UBXN6: variants seen among roughly 807,000 people sequenced by gnomAD.
UBXN6 encodes the protein UBX domain protein 6.
Under a neutral mutation model 51.4 loss-of-function variants are expected in UBXN6, and 44 were observed. The ratio of observed to expected loss-of-function variants is 0.86; its 90% confidence interval spans 0.67 to 1.10. The LOEUF (loss-of-function observed/expected upper bound fraction) is 1.10, where lower values mean the gene tolerates loss of function less well. UBXN6 is among the 50% of genes least tolerant of loss of function. The pLI is 0.00. For missense variants in UBXN6, 672 were observed against 596.1 expected (o/e 1.13, Z -1.32); for synonymous variants, 316 against 263.2 (o/e 1.20, Z -1.94).
rs1974701443 is a variant in UBXN6, at chr19:4,454,029, T to G, written c.148A>C (p.Asn50His). 6.2e-7 allele frequency: 1 copy of G among 1,601,680 alleles called. No homozygotes were observed. Among genetic ancestry groups the G allele is most frequent in the African/African-American group, 1.3e-5 (1 of 74,496 alleles). The change falls in exon 2 of 11, where the codon AAT becomes CAT. Residue 50 changes from asparagine to histidine, a missense_variant. By Grantham distance (68) the Asn-to-His change is moderately conservative. Transcript: ENST00000301281. ...GCAGCGGCTGCCATCTGTGCCTCAT[T>G]GGTGGGTCCCTGGCGGGGCGGCCTG... The part of the protein sequence containing the change: ...APRPPRQGPT[N>H]EAQMAAAAAL...
In UBXN6 at chr19:4,446,404, C is replaced by A; in HGVS notation, c.930G>T (p.Ala310=). 6.3e-7 allele frequency: 1 copy of A among 1,577,462 alleles called. No individual in the cohort carries two copies. The highest frequency in any genetic ancestry group is 8.6e-7 in the Non-Finnish European group (1 of 1,168,852). The stretch of plus-strand genomic sequence containing the variant: ...TCCGCAGCACGCTCAGCCGCTCCAC[C>A]GCCTCGGACCTGCACACGCGGGCCA... ...IKREQRLRSE[A]VERLSVLRTK... Residue 310 remains alanine (A), a synonymous_variant, in exon 9 of 11, where the codon GCG becomes GCT. Transcript: ENST00000301281.
In UBXN6 at chr19:4,456,217, AC is replaced by A. The variant is rs1005385041; in HGVS notation, c.83+1397del. On this transcript the variant is annotated intron_variant, in intron 1 of 10. Coordinates refer to ENST00000301281, the MANE Select transcript of UBXN6 (RefSeq NM_025241.3). ...CATGCCCAGTCCCAGTGGCCCCAGC[AC>A]CCCCCACCCACTATTGGTTGAATCA... Among the ~76,000 whole-genome samples, 173 of 129,402 alleles carry A rather than the reference AC, an allele frequency of 1.3e-3. 1 individual carries two copies. Among genetic ancestry groups the A allele is most frequent in the African/African-American group, 5.1e-3 (172 of 33,770 alleles). 84.9% of individuals were successfully genotyped at this position (129,402 alleles called of 152,430 possible).
chr19:4,447,918 G>A, intron 5 of UBXN6: 1 of 507,520 alleles, frequency 2.0e-6, no homozygotes, highest in Non-Finnish European at 3.6e-6. Flanking sequence ...TGCCGGAAGA[G>A]TGGAGAGCCA....
At chr19:4,453,832 C>G (rs1974696306) in intron 2 of UBXN6, 98 bp downstream of exon 2, 2 of 1,518,648 alleles carry the variant, frequency 1.3e-6, no homozygotes, top group Non-Finnish European at 1.8e-6. Flanking sequence ...CCCTCACACC[C>G]CCACGGTTGC....
intron 3 of UBXN6, among the ~76,000 whole-genome samples, chr19:4,452,930 C>T (rs530565369): frequency 5.3e-5 from 8 of 152,322 alleles, no homozygotes; most frequent in East Asian, 3.9e-4. Context: ...ACTGAATCCT[C>T]GAGGGTCAAG....
chr19:4,452,254 T>C, intron 4 of UBXN6, 110 bp downstream of exon 4: 1 of 1,486,002 alleles, frequency 6.7e-7, no homozygotes. Context: ...CTACTAGCAG[T>C]GGCCTCTGGG....
At chr19:4,454,452 T>C (rs956286559) in intron 1 of UBXN6, among the ~76,000 whole-genome samples, 3 of 152,166 alleles carry the variant, frequency 2.0e-5, no homozygotes, top group African/African-American at 7.2e-5. Context: ...AGACAGGGTC[T>C]TGCTCTCTCA....
Position 4,445,302 on chromosome 19 carries a change from C to G in UBXN6, c.*196G>C, listed in dbSNP as rs1974482246. 3.4e-6 allele frequency: 3 copies of G among 895,010 alleles called. No individual in the cohort carries two copies. The highest frequency in any genetic ancestry group is 5.1e-6 in the Non-Finnish European group (3 of 589,652). The allele number at this position is 895,010 out of a possible 1,614,324, so 55.4% of individuals were successfully genotyped here. A position where few individuals can be genotyped will look rare whatever the true frequency, so the allele number is the denominator to read the frequency against. ...GGCCTCTCCCTCGGGGGCTTGGGCG[C>G]ATCCCCACAGCCCCCAAGGGATGGG... is the stretch of plus-strand genomic sequence containing the variant. On this transcript the variant is annotated 3_prime_UTR_variant, in exon 11 of 11. Transcript: ENST00000301281.
chr19:4,448,880 T>A (rs554732719), intron 4 of UBXN6: 17 of 169,536 alleles, frequency 1.0e-4, no homozygotes, highest in Admixed American at 2.8e-4. Flanking sequence ...GAGAGGCCCA[T>A]CGTCCAGGGT....
intron 6 of UBXN6, 36 bp downstream of exon 6, chr19:4,447,493 GCAGGCCAGCTGCCCCCACCCC>G: frequency 6.3e-7 from 1 of 1,597,118 alleles, no homozygotes; most frequent in Non-Finnish European, 8.6e-7. Context: ...ACCGGCTCCT[GCAGGCCAGCTGCCCCCACCCC>G]CAGCCTGGGC....
intron 4 of UBXN6, chr19:4,450,899 C>G (rs886908712): frequency 6.6e-6 from 1 of 151,684 alleles, no homozygotes; most frequent in African/African-American, 2.4e-5. Flanking sequence ...CAAATTAACT[C>G]TATCCTGAGA....
At position 4,446,936 on chromosome 19, in the gene UBXN6, G is replaced by A. The variant is rs1974544828; in HGVS notation, c.616-16C>T. The A allele has an allele frequency of 6.2e-7, 1 of 1,612,676 alleles. No individual in the cohort carries two copies. ...TAATGCGCTCCTGGGGGTGGAGATG[G>A]GCGTCACTGGGGGCCCCTGGCTTCC... On this transcript the variant is annotated splice_polypyrimidine_tract_variant and intron_variant, in intron 6 of 10. Transcript: ENST00000301281.
intron 5 of UBXN6, 164 bp downstream of exon 5, chr19:4,448,154 C>T (rs1360701609): frequency 3.1e-6 from 2 of 646,602 alleles, no homozygotes; most frequent in East Asian, 5.4e-5. Flanking sequence ...AGGCCCAGCC[C>T]TTTGCCTGAG....
In UBXN6 at chr19:4,445,642, G is replaced by T; in HGVS notation, c.1201-19C>A. ...AGGGCACCTGCGGTAGGGGTAGGCC[G>T]TCACTCTGAGACCGAGAGTCGGCCC... On this transcript the variant is annotated intron_variant, in intron 10 of 10. Transcript: ENST00000301281. 6.2e-7 allele frequency: 1 copy of T among 1,609,242 alleles called. No individual in the cohort carries two copies.
intron 4 of UBXN6, among the ~76,000 whole-genome samples, chr19:4,451,526 T>A (rs571681600): frequency 6.6e-6 from 1 of 152,154 alleles, no homozygotes; most frequent in East Asian, 1.9e-4. Flanking sequence ...CTATTTTTTT[T>A]TGTTTTTGGC....
chr19:4,446,234 G>C (rs754221360), intron 9 of UBXN6, 37 bp from the exon 10 acceptor site: 1 of 1,577,360 alleles, frequency 6.3e-7, no homozygotes, highest in Admixed American at 1.8e-5. Flanking sequence ...TGGGGCCCAG[G>C]GCCCCCTACC....
Position 4,445,477 on chromosome 19 carries a change from G to T in UBXN6, c.*21C>A. 1 of 1,613,630 alleles carries T rather than the reference G, an allele frequency of 6.2e-7. No homozygotes were observed. Among genetic ancestry groups the T allele is most frequent in the Non-Finnish European group, 8.5e-7 (1 of 1,179,888 alleles). On this transcript the variant is annotated 3_prime_UTR_variant, in exon 11 of 11. Coordinates refer to ENST00000301281, the MANE Select transcript of UBXN6 (RefSeq NM_025241.3). ...GAGCATGAGACAGACCCACAGGGCT[G>T]AGGCCAACCCTGCTTTTATTTCACA...
At chr19:4,453,605 G>T in intron 2 of UBXN6, 83 bp from the exon 3 acceptor site, 1 of 1,531,672 alleles carries the variant, frequency 6.5e-7, no homozygotes, top group East Asian at 2.3e-5. Flanking sequence ...CATTCCCGGG[G>T]TGGGCCTGGG....
intron 6 of UBXN6, 48 bp downstream of exon 6, chr19:4,447,502 C>A (rs1267265439): frequency 1.9e-6 from 3 of 1,605,158 alleles, no homozygotes; most frequent in Middle Eastern, 2.0e-4. Flanking sequence ...TGCAGGCCAG[C>A]TGCCCCCACC....
Sources: gnomAD v4.1 joint callset for allele counts (sites outside exome capture counted in the v4.1 genomes callset) on GRCh38, gnomAD v4.1.1 for gene constraint, MANE v1.5 for transcripts, NCBI Gene and HGNC (gene_info 2026-07-23, HGNC 2026-07-21) for gene names.